ETV6: variants seen among roughly 807,000 people sequenced by gnomAD.
ETV6 encodes ETS variant transcription factor 6.
ETV6 carries 16 observed loss-of-function variants against 51.1 expected under a neutral mutation model. That is an observed-to-expected ratio of 0.31 (90% CI 0.21 to 0.48). The LOEUF (loss-of-function observed/expected upper bound fraction) is 0.48, where lower values mean the gene tolerates loss of function less well. Ranked by LOEUF, ETV6 falls within the 20% of genes least tolerant of loss-of-function variation. The probability of loss-of-function intolerance (pLI) is 0.99; values close to 1 mark genes in which losing one functional copy is unlikely to be tolerated. For missense variants in ETV6, 458 were observed against 594.8 expected (o/e 0.77, Z 2.39); for synonymous variants, 240 against 224.1 (o/e 1.07, Z -0.64).
rs575200603 is a variant in ETV6, at chr12:11,715,561, C to T, written c.34-36889C>T. The stretch of plus-strand genomic sequence containing the variant: ...TAAGTGGTACAGCTGGGATCCAAAC[C>T]CAGGTGTGTCCCAGCTACGCTGTGC... On this transcript the variant is annotated intron_variant, in intron 1 of 7. Coordinates refer to ENST00000396373, the MANE Select transcript of ETV6 (RefSeq NM_001987.5). Among the ~76,000 whole-genome samples, 4 of 152,362 alleles carry T rather than the reference C, an allele frequency of 2.6e-5. No homozygotes were observed. In the South Asian group the frequency reaches 8.3e-4, roughly 32 times the overall value.
chr12:11,791,522 A>G (rs1231261838), intron 2 of ETV6, among the ~76,000 whole-genome samples: 1 of 152,230 alleles, frequency 6.6e-6, no homozygotes, highest in Non-Finnish European at 1.5e-5. Context: ...CGTGTGGCCC[A>G]TAAAGATTCC....
chr12:11,664,795 C>T (rs548622794), intron 1 of ETV6, among the ~76,000 whole-genome samples: 1 of 152,282 alleles, frequency 6.6e-6, no homozygotes, highest in African/African-American at 2.4e-5. Context: ...CCTTCTGGCC[C>T]CAGACCTTTC....
At chr12:11,674,870 A>G (rs545459478) in intron 1 of ETV6, among the ~76,000 whole-genome samples, 1 of 152,236 alleles carries the variant, frequency 6.6e-6, no homozygotes, top group African/African-American at 2.4e-5. Flanking sequence ...GTCCGGATCC[A>G]CCAATTCCCC....
rs79286050 is a variant in ETV6 at position 11,759,921 on chromosome 12, A to G, written c.163+7342A>G. Among the ~76,000 whole-genome samples, 1,276 of 152,362 alleles carry G rather than the reference A, an allele frequency of 8.4e-3. 11 individuals carry two copies. The highest frequency in any genetic ancestry group is 0.038 in the South Asian group (185 of 4,824). ...TTTTGCTTCATGTGTGAGTTACACC[A>G]CATTAGTAATTCAAACTTTTGGGGT... On this transcript the variant is annotated intron_variant, in intron 2 of 7. Transcript: ENST00000396373.
chr12:11,891,676 C>A lies in ETV6; in HGVS notation c.*630C>A. 2.0e-6 allele frequency: 1 copy of A among 505,364 alleles called. No homozygotes were observed. Among genetic ancestry groups the A allele is most frequent in the Non-Finnish European group, 3.8e-6 (1 of 263,358 alleles). The allele number at this position is 505,364 out of a possible 1,614,324, so 31.3% of individuals were successfully genotyped here. On this transcript the variant is annotated 3_prime_UTR_variant, in exon 8 of 8. Coordinates refer to ENST00000396373, the MANE Select transcript of ETV6 (RefSeq NM_001987.5). The stretch of plus-strand genomic sequence containing the variant: ...TTTCTCTCTCTTGCTCTGTTCTTCC[C>A]TTGGTCCCCTCTGTCCTCCCGCCCT...
intron 7 of ETV6, 78 bp downstream of exon 7, chr12:11,886,104 G>A: frequency 2.0e-6 from 2 of 1,013,610 alleles, no homozygotes; most frequent in Non-Finnish European, 3.1e-6. Context: ...GGGGGAGACT[G>A]TTAAGATCTC....
chr12:11,724,685 T>A (rs759313108), intron 1 of ETV6, among the ~76,000 whole-genome samples: 4 of 152,190 alleles, frequency 2.6e-5, no homozygotes, highest in Non-Finnish European at 1.5e-5. Flanking sequence ...TGAAAAATAA[T>A]AAGCCTTAGA....
intron 1 of ETV6, among the ~76,000 whole-genome samples, chr12:11,720,033 G>A (rs1259686713): frequency 6.6e-6 from 1 of 152,224 alleles, no homozygotes; most frequent in Non-Finnish European, 1.5e-5. Context: ...GGTCTCCCAC[G>A]AATCAGAAGC....
chr12:11,734,125 AT>A (rs1409457752), intron 1 of ETV6, among the ~76,000 whole-genome samples: 1 of 152,144 alleles, frequency 6.6e-6, no homozygotes, highest in Non-Finnish European at 1.5e-5. Context: ...TTGGATTTCC[AT>A]TTTCCCATTT....
At chr12:11,884,416 CAG>C (rs1947155873) in intron 5 of ETV6, 27 bp from the exon 6 acceptor site, 1 of 1,612,764 alleles carries the variant, frequency 6.2e-7, no homozygotes, top group Non-Finnish European at 8.5e-7. Context: ...ACATTTTCAA[CAG>C]TGTTTTCTTG....
chr12:11,758,543 A>C (rs1258706766), intron 2 of ETV6, among the ~76,000 whole-genome samples: 1 of 152,184 alleles, frequency 6.6e-6, no homozygotes, highest in Non-Finnish European at 1.5e-5. Flanking sequence ...CCAGGGGCTC[A>C]GTTTTGCTCT....
At chr12:11,650,282 G>GGC in intron 1 of ETV6, 122 bp downstream of exon 1, 2 of 886,962 alleles carry the variant, frequency 2.3e-6, no homozygotes, top group South Asian at 2.7e-5. Flanking sequence ...AATTATTTGG[G>GGC]GCGAGAGGGA....
In ETV6 at chr12:11,701,281, C is replaced by T. The variant is rs141456565; in HGVS notation, c.33+51121C>T. Among the ~76,000 whole-genome samples the T allele has an allele frequency of 3.0e-3, 462 of 152,278 alleles. 1 individual carries two copies. The highest frequency in any genetic ancestry group is 9.9e-3 in the African/African-American group (411 of 41,548). ...AAACTCTGTCCCCAGCAAACGCTGG[C>T]ATGCCCTTCTCCCCTCCCCCAGCCC... On this transcript the variant is annotated intron_variant, in intron 1 of 7. Transcript: ENST00000396373.
chr12:11,756,375 G>A (rs554069784), intron 2 of ETV6, among the ~76,000 whole-genome samples: 1 of 152,138 alleles, frequency 6.6e-6, no homozygotes, highest in Non-Finnish European at 1.5e-5. Flanking sequence ...GATAGAAAGG[G>A]CATCATTTTT....
At chr12:11,775,124 G>A (rs146047324) in intron 2 of ETV6, among the ~76,000 whole-genome samples, 2 of 152,168 alleles carry the variant, frequency 1.3e-5, no homozygotes, top group Admixed American at 6.5e-5. Context: ...TTTGCTTTCC[G>A]CAGTCAAAAC....
At chr12:11,725,339 C>T (rs1438921582) in intron 1 of ETV6, among the ~76,000 whole-genome samples, 6 of 152,050 alleles carry the variant, frequency 3.9e-5, no homozygotes, top group Admixed American at 1.3e-4. Flanking sequence ...TTGGCAGCCC[C>T]GAGCTTTTCC....
intron 2 of ETV6, among the ~76,000 whole-genome samples, chr12:11,801,753 G>A (rs1461634956): frequency 6.0e-5 from 9 of 149,728 alleles, no homozygotes; most frequent in Non-Finnish European, 1.3e-4. Context: ...TAAGGGTGGA[G>A]GTAGACCAGG....
intron 4 of ETV6, among the ~76,000 whole-genome samples, chr12:11,858,234 A>G (rs1345644405): frequency 1.3e-5 from 2 of 152,212 alleles, no homozygotes; most frequent in East Asian, 1.9e-4. Flanking sequence ...AAAATAAACA[A>G]TGATATTACT....
At chr12:11,881,270 A>G (rs1427035574) in intron 5 of ETV6, among the ~76,000 whole-genome samples, 1 of 152,194 alleles carries the variant, frequency 6.6e-6, no homozygotes, top group African/African-American at 2.4e-5. Flanking sequence ...GTATGTGATA[A>G]TATGTGATTT....
Sources: gnomAD v4.1 joint callset for allele counts (sites outside exome capture counted in the v4.1 genomes callset) on GRCh38, gnomAD v4.1.1 for gene constraint, MANE v1.5 for transcripts, NCBI Gene and HGNC (gene_info 2026-07-23, HGNC 2026-07-21) for gene names.